Variants in CCT4 observed in about 807,000 individuals in gnomAD.
CCT4 encodes chaperonin containing TCP1 subunit 4, also known as T-complex protein 1 subunit delta.
CCT4 carries 17 observed loss-of-function variants against 62.5 expected under a neutral mutation model. The observed-to-expected ratio is 0.27, with a 90% CI of 0.19 to 0.41. The LOEUF is 0.41. Ranked by LOEUF, CCT4 falls within the 10% of genes least tolerant of loss-of-function variation. The pLI, the probability that CCT4 is intolerant of heterozygous loss-of-function variation, is 1.00. For synonymous variants in CCT4, 250 were observed against 229.9 expected, an observed-to-expected ratio of 1.09 and a Z score of -0.79; for missense variants, 592 against 659.2, an observed-to-expected ratio of 0.90 and a Z score of 1.12.
chr2:61,888,623 G>A lies in CCT4; in HGVS notation c.-116C>T, dbSNP rs1384323209. 3 of 1,303,398 alleles carry A rather than the reference G, an allele frequency of 2.3e-6. No individual in the cohort carries two copies. Among genetic ancestry groups the A allele is most frequent in the Admixed American group, 2.8e-5 (1 of 36,066 alleles). 80.7% of individuals were successfully genotyped at this position (1,303,398 alleles called of 1,614,324 possible). A position where few individuals can be genotyped will look rare whatever the true frequency, so the allele number is the denominator to read the frequency against. ...GCCTTCACGAACCTTCCAGAAAGCG[G>A]CGCCGGCGTCGGGAGGAGGCGGAGG... is the stretch of plus-strand genomic sequence containing the variant. On this transcript the variant is annotated 5_prime_UTR_variant, in exon 1 of 14. Coordinates refer to ENST00000394440, the MANE Select transcript of CCT4 (RefSeq NM_006430.4).
chr2:61,879,087 C>G, intron 4 of CCT4, 76 bp from the exon 5 acceptor site: 1 of 1,105,846 alleles, frequency 9.0e-7, no homozygotes, highest in African/African-American at 1.6e-5. Flanking sequence ...AAATTTTCTA[C>G]TCAATGTCAA....
chr2:61,881,283 A>G (rs1031601018), intron 3 of CCT4, among the ~76,000 whole-genome samples: 6 of 151,990 alleles, frequency 3.9e-5, no homozygotes, highest in Non-Finnish European at 8.8e-5. Flanking sequence ...TTTAATAGCA[A>G]TATTATATAT....
intron 2 of CCT4, among the ~76,000 whole-genome samples, chr2:61,884,254 G>A (rs1414594014): frequency 6.6e-6 from 1 of 152,176 alleles, no homozygotes; most frequent in East Asian, 1.9e-4. Context: ...TAGTCCTGTT[G>A]ACTCCAAAGT....
chr2:61,869,694 T>C, intron 12 of CCT4, 141 bp from the exon 13 acceptor site: 1 of 600,470 alleles, frequency 1.7e-6, no homozygotes, highest in Non-Finnish European at 3.1e-6. Context: ...TCTACTAAGC[T>C]TTTCTCTACA....
At chr2:61,883,213 G>A (rs1302038288) in intron 3 of CCT4, among the ~76,000 whole-genome samples, 1 of 152,108 alleles carries the variant, frequency 6.6e-6, no homozygotes, top group Non-Finnish European at 1.5e-5. Context: ...CACAAGGTCA[G>A]GAGTTTGAGA....
At chr2:61,883,804 ACACACACACAC>A (rs1558508324) in intron 2 of CCT4, among the ~76,000 whole-genome samples, 1 of 151,048 alleles carries the variant, frequency 6.6e-6, no homozygotes, top group Non-Finnish European at 1.5e-5. Flanking sequence ...ACACACACAC[ACACACACACAC>A]AAAAGGAAAA....
intron 8 of CCT4, among the ~76,000 whole-genome samples, chr2:61,874,511 T>C (rs554832762): frequency 1.8e-4 from 27 of 150,616 alleles, no homozygotes; most frequent in Middle Eastern, 7.1e-3. Context: ...TTCAGGAGGC[T>C]GAGGAAGGAA....
Position 61,873,203 on chromosome 2 carries a change from A to G in CCT4, c.1008T>C (p.Ile336=). 2 of 1,464,750 alleles carry G rather than the reference A, an allele frequency of 1.4e-6. No homozygotes were observed. The highest frequency in any genetic ancestry group is 1.9e-6 in the Non-Finnish European group (2 of 1,044,452). 90.7% of individuals were successfully genotyped at this position (1,464,750 alleles called of 1,614,324 possible). The part of the protein sequence containing the change: ...KDIEREDIEF[I]CKTIGTKPVA... ...ACAGATGTTAATGTTTTACCTTACA[A>G]ATGAATTCAATGTCTTCTCTTTCAA... Residue 336 remains isoleucine (I), a synonymous_variant, in exon 9 of 14, where the codon ATT becomes ATC. Coordinates refer to ENST00000394440, the MANE Select transcript of CCT4 (RefSeq NM_006430.4).
chr2:61,874,514 G>A (rs995430471), intron 8 of CCT4, among the ~76,000 whole-genome samples: 21 of 151,928 alleles, frequency 1.4e-4, no homozygotes, highest in African/African-American at 4.4e-4. Flanking sequence ...AGGAGGCTGA[G>A]GAAGGAAAAC....
chr2:61,871,311 T>A (rs1034683311), intron 12 of CCT4, among the ~76,000 whole-genome samples: 2 of 152,190 alleles, frequency 1.3e-5, no homozygotes, highest in Admixed American at 6.5e-5. Flanking sequence ...CAGCTGGGAT[T>A]ACAGGCGTGA....
Position 61,873,268 on chromosome 2 carries a change from G to GTAA in CCT4, c.940_942dup (p.Leu314dup). The GTAA allele has an allele frequency of 6.5e-7, 1 of 1,545,598 alleles. No homozygotes were observed. The highest frequency in any genetic ancestry group is 8.9e-7 in the Non-Finnish European group (1 of 1,118,386). Reference sequence around the variant, plus strand: ...ATGATCTTCATTTTATTCAGAAAGTGTAATGCAAGATCACTAAGAGCATCT... The same window carrying GTAA: ...ATGATCTTCATTTTATTCAGAAAGTGTAATAATGCAAGATCACTAAGAGCATCT... On this transcript the variant is annotated inframe_insertion, in exon 9 of 14. Coordinates refer to ENST00000394440, the MANE Select transcript of CCT4 (RefSeq NM_006430.4).
chr2:61,876,134 G>GT lies in CCT4; in HGVS notation c.877dup (p.Thr293AsnfsTer4). On this transcript the variant is annotated frameshift_variant, in exon 8 of 14. Coordinates refer to ENST00000394440, the MANE Select transcript of CCT4 (RefSeq NM_006430.4). LOFTEE classifies it high-confidence loss of function. ...CTGTATGAGAAGGACATTACATCCT[G>GT]TTTTTTTAATTTGCTTCACTAAATT... 1 of 1,604,554 alleles carries GT rather than the reference G, an allele frequency of 6.2e-7. No homozygotes were observed. Among genetic ancestry groups the GT allele is most frequent in the Non-Finnish European group, 8.5e-7 (1 of 1,171,716 alleles).
chr2:61,878,757 CA>C, intron 5 of CCT4, 111 bp downstream of exon 5: 2 of 664,802 alleles, frequency 3.0e-6, no homozygotes, highest in Middle Eastern at 4.1e-4. Flanking sequence ...CAGATTATAA[CA>C]GTTACCTAGC....
chr2:61,871,308 G>T (rs979258876), intron 12 of CCT4, among the ~76,000 whole-genome samples: 37 of 152,092 alleles, frequency 2.4e-4, no homozygotes. Flanking sequence ...AAACAGCTGG[G>T]ATTACAGGCG....
At chr2:61,871,566 A>G (rs1668884099) in intron 12 of CCT4, among the ~76,000 whole-genome samples, 1 of 152,238 alleles carries the variant, frequency 6.6e-6, no homozygotes, top group Non-Finnish European at 1.5e-5. Flanking sequence ...TACAGACAAT[A>G]TAAAGTTGGA....
intron 6 of CCT4, 141 bp downstream of exon 6, chr2:61,877,252 T>C: frequency 5.3e-6 from 5 of 941,108 alleles, no homozygotes; most frequent in South Asian, 3.4e-5. Flanking sequence ...CAGATGCCCA[T>C]ACTAATACAA....
chr2:61,883,439 T>C lies in CCT4; in HGVS notation c.270+20A>G, dbSNP rs766605549. 48 of 841,306 alleles carry C rather than the reference T, an allele frequency of 5.7e-5. 2 individuals carry two copies. In the Admixed American group the frequency reaches 9.6e-4, roughly 17 times the overall value. The allele number at this position is 841,306 out of a possible 1,614,324, so 52.1% of individuals were successfully genotyped here. ...CTCAAAAAAAAAAAAAAAAAAAGACTCACCTAAAATTACACTTACCATTCT... is the reference window on the plus strand; with the variant it reads ...CTCAAAAAAAAAAAAAAAAAAAGACCCACCTAAAATTACACTTACCATTCT... On this transcript the variant is annotated intron_variant, in intron 3 of 13. Coordinates refer to ENST00000394440, the MANE Select transcript of CCT4 (RefSeq NM_006430.4).
At chr2:61,888,337 A>G (rs1490833969) in intron 1 of CCT4, 44 bp downstream of exon 1, 4 of 1,592,484 alleles carry the variant, frequency 2.5e-6, no homozygotes, top group South Asian at 1.1e-5. Context: ...GAGAGCGCAG[A>G]GCACAACCCC....
At position 61,878,889 on chromosome 2, in the gene CCT4, T is replaced by C. The variant is rs1284189811; in HGVS notation, c.502A>G (p.Thr168Ala). ...SDRETLLNSA[T>A]TSLNSKVVSQ... ...CTCACCTTTGAGTTCAGTGAAGTGG[T>C]TGCACTATTTAACAAAGTTTCTCTG... Residue 168 changes from threonine (T) to alanine (A), a missense_variant, in exon 5 of 14, where the codon ACC becomes GCC. Physicochemically the swap from Thr to Ala is moderately conservative, Grantham distance 58. Around this residue, in one of 3 missense-constraint regions of CCT4, gnomAD observed 522 missense variants for 571.2 expected, o/e 0.91. Coordinates refer to ENST00000394440, the MANE Select transcript of CCT4 (RefSeq NM_006430.4). 1.7e-5 allele frequency: 28 copies of C among 1,609,858 alleles called. No homozygotes were observed. The highest frequency in any genetic ancestry group is 1.2e-4 in the South Asian group (11 of 90,214).
Sources: gnomAD v4.1 joint callset for allele counts (sites outside exome capture counted in the v4.1 genomes callset) on GRCh38, gnomAD v4.1.1 for gene constraint, gnomAD v4.1.1 regional missense constraint, MANE v1.5 for transcripts, NCBI Gene and HGNC (gene_info 2026-07-23, HGNC 2026-07-21) for gene names.